Variants in ADGRV1 observed in about 807,000 individuals in gnomAD.
ADGRV1 encodes the protein G-protein coupled receptor 98.
ADGRV1 carries 359 observed loss-of-function variants against 596.2 expected under a neutral mutation model. The ratio of observed to expected loss-of-function variants is 0.60; its 90% CI spans 0.55 to 0.66. The LOEUF is 0.66. Among genes scored for constraint, ADGRV1 ranks in the 30% least tolerant of loss-of-function variants. The pLI is 0.00. For synonymous variants in ADGRV1, 2,681 were observed against 2,679.2 expected (o/e 1.00, Z -0.02); for missense variants, 7,274 against 7,575.6 (o/e 0.96, Z 1.48).
chr5:90,828,843 TA>T, intron 76 of ADGRV1, 100 bp from the exon 77 acceptor site: 1 of 650,682 alleles, frequency 1.5e-6, no homozygotes, highest in South Asian at 5.8e-5. Flanking sequence ...TTTATTTCTC[TA>T]AAAATGTATA....
intron 1 of ADGRV1, among the ~76,000 whole-genome samples, chr5:90,602,217 G>A (rs186933511): frequency 1.3e-5 from 2 of 152,224 alleles, no homozygotes; most frequent in East Asian, 3.9e-4. Context: ...TCGATGCCTG[G>A]TACAGTTTTT....
rs989257974 is a variant in ADGRV1, at chr5:90,637,931, A to T, written c.2223A>T (p.Val741=). 6.2e-7 allele frequency: 1 copy of T among 1,611,922 alleles called. No homozygotes were observed. Among genetic ancestry groups the T allele is most frequent in the Non-Finnish European group, 8.5e-7 (1 of 1,178,412 alleles). ...GDDIPEMNET[V]TLSLDRVNVE... ...ACATACCGGAAATGAATGAAACTGT[A>T]ACACTTTCTCTAGACAGGTAATAAC... Residue 741 remains valine, a synonymous_variant, in exon 11 of 90, where the codon GTA becomes GTT. Transcript: ENST00000405460.
At chr5:90,700,299 A>G (rs948676137) in intron 34 of ADGRV1, among the ~76,000 whole-genome samples, 2 of 152,162 alleles carry the variant, frequency 1.3e-5, no homozygotes, top group African/African-American at 4.8e-5. Context: ...AGTTTCATTT[A>G]TGTGATTAGA....
rs41311335 is a variant in ADGRV1, at chr5:90,683,706, G to A, written c.5785G>A (p.Ala1929Thr). 124 of 1,613,658 alleles carry A rather than the reference G, an allele frequency of 7.7e-5. No individual in the cohort carries two copies. Among genetic ancestry groups the A allele is most frequent in the Non-Finnish European group, 9.7e-5 (115 of 1,179,836 alleles). ...NITFEIGQTS[A>T]NITVEILPDE... Reference sequence around the variant, plus strand: ...CACATTTGAGATTGGGCAGACGAGCGCCAATATCACTGTGGAGATATTGCC... The same window carrying A: ...CACATTTGAGATTGGGCAGACGAGCACCAATATCACTGTGGAGATATTGCC... The change falls in exon 28 of 90, where the codon GCC becomes ACC. Residue 1929 changes from alanine to threonine, a missense_variant. Physicochemically the swap from Ala to Thr is moderately conservative, Grantham distance 58 (BLOSUM62 0). This residue lies in a region of ADGRV1 where 3,643 missense variants were observed against 3,809.2 expected (regional missense o/e 0.96). Coordinates refer to ENST00000405460, the MANE Select transcript of ADGRV1 (RefSeq NM_032119.4).
intron 83 of ADGRV1, among the ~76,000 whole-genome samples, chr5:90,938,172 A>T (rs1267621654): frequency 6.6e-6 from 1 of 152,116 alleles, no homozygotes; most frequent in Non-Finnish European, 1.5e-5. Flanking sequence ...TGAGAGTCCC[A>T]AACAGCCTGG....
At chr5:90,949,105 T>C (rs1281630494) in intron 83 of ADGRV1, among the ~76,000 whole-genome samples, 1 of 152,136 alleles carries the variant, frequency 6.6e-6, no homozygotes, top group African/African-American at 2.4e-5. Context: ...CACAGATACT[T>C]GTTAAGAGAA....
chr5:90,781,028 T>C (rs909656298), intron 64 of ADGRV1: 1 of 204,362 alleles, frequency 4.9e-6, no homozygotes, highest in Non-Finnish European at 1.0e-5. Context: ...AACCTAACAC[T>C]GTAAATCTCA....
intron 86 of ADGRV1, among the ~76,000 whole-genome samples, chr5:91,100,942 C>G (rs189108142): frequency 1.6e-4 from 25 of 152,128 alleles, no homozygotes; most frequent in African/African-American, 5.5e-4. Flanking sequence ...GTCAGGGTTA[C>G]AAAAGTCAAG....
intron 82 of ADGRV1, among the ~76,000 whole-genome samples, chr5:90,859,295 A>G (rs1351326799): frequency 6.6e-6 from 1 of 152,158 alleles, no homozygotes; most frequent in Non-Finnish European, 1.5e-5. Flanking sequence ...GTAGGTTTTA[A>G]TAGATATTGG....
At chr5:91,027,873 C>T (rs1378060862) in intron 85 of ADGRV1, among the ~76,000 whole-genome samples, 1 of 152,080 alleles carries the variant, frequency 6.6e-6, no homozygotes, top group African/African-American at 2.4e-5. Flanking sequence ...CTGAGATGAA[C>T]TTTGCAAAGA....
intron 73 of ADGRV1, among the ~76,000 whole-genome samples, chr5:90,809,213 C>T (rs898727501): frequency 3.0e-4 from 45 of 150,750 alleles, no homozygotes; most frequent in African/African-American, 9.3e-4. Context: ...ACCTCGGCCT[C>T]CCAAAGTGCT....
chr5:90,601,484 C>T (rs757555647), intron 1 of ADGRV1, among the ~76,000 whole-genome samples: 5 of 151,886 alleles, frequency 3.3e-5, no homozygotes, highest in Non-Finnish European at 7.4e-5. Flanking sequence ...AAAAGAATAC[C>T]GTACTAAACC....
At chr5:90,665,849 T>G (rs62375101) in intron 21 of ADGRV1, among the ~76,000 whole-genome samples, 57,615 of 149,308 alleles carry the variant, frequency 0.39, 11,421 homozygotes, top group Admixed American at 0.5. Flanking sequence ...ACATCTTTAT[T>G]TCTGCCTTCA....
At chr5:90,805,258 ATACTC>A in intron 71 of ADGRV1, 21 bp from the exon 72 acceptor site, 1 of 1,593,592 alleles carries the variant, frequency 6.3e-7, no homozygotes, top group Non-Finnish European at 8.6e-7. Flanking sequence ...GAGAAATAAA[ATACTC>A]TAAGCATGAT....
chr5:90,957,998 A>C (rs1422428475), intron 83 of ADGRV1, among the ~76,000 whole-genome samples: 1 of 152,086 alleles, frequency 6.6e-6, no homozygotes, highest in Non-Finnish European at 1.5e-5. Flanking sequence ...AATCAATGTA[A>C]TTAATAACAA....
rs746026845 is a variant in ADGRV1 at position 90,694,519 on chromosome 5, A to C, written c.7763A>C (p.Asn2588Thr). Residue 2588 changes from asparagine to threonine, a missense_variant, in exon 33 of 90, where the codon AAT (asparagine) becomes ACT (threonine). Physicochemically the swap from Asn to Thr is moderately conservative, Grantham distance 65 (BLOSUM62 0). This residue lies in a region of ADGRV1 where 3,643 missense variants were observed against 3,809.2 expected (regional missense o/e 0.96). Transcript: ENST00000405460. ...TTTGTGATCTACAATATTAGTCCCA[A>C]TACTTCCGAAGATGGCTTATTTGTT... is the stretch of plus-strand genomic sequence containing the variant. Reference protein sequence around the residue: ...GVFVIYNISPNTSEDGLFVEV... With the variant: ...GVFVIYNISPTTSEDGLFVEV... 5 of 1,613,802 alleles carry C rather than the reference A, an allele frequency of 3.1e-6. No individual in the cohort carries two copies. The highest frequency in any genetic ancestry group is 3.3e-5 in the Admixed American group (2 of 59,976).
At chr5:90,770,226 TAGGGGAA>T (rs1757547523) in intron 59 of ADGRV1, among the ~76,000 whole-genome samples, 2 of 152,068 alleles carry the variant, frequency 1.3e-5, no homozygotes, top group African/African-American at 4.8e-5. Flanking sequence ...AGAGCGTGTG[TAGGGGAA>T]TGGTCCTTTA....
At chr5:90,881,504 TA>T (rs1178058977) in intron 83 of ADGRV1, among the ~76,000 whole-genome samples, 3 of 152,172 alleles carry the variant, frequency 2.0e-5, no homozygotes, top group Non-Finnish European at 4.4e-5. Flanking sequence ...AGTTTTTTTT[TA>T]ATCTTGTATT....
chr5:90,634,455 G>A (rs1370642184), intron 9 of ADGRV1, among the ~76,000 whole-genome samples: 1 of 152,222 alleles, frequency 6.6e-6, no homozygotes, highest in Non-Finnish European at 1.5e-5. Context: ...TATGTAAAAT[G>A]TATAACTGCA....
Sources: gnomAD v4.1 joint callset for allele counts (sites outside exome capture counted in the v4.1 genomes callset) on GRCh38, gnomAD v4.1.1 for gene constraint, gnomAD v4.1.1 regional missense constraint, MANE v1.5 for transcripts, NCBI Gene and HGNC (gene_info 2026-07-23, HGNC 2026-07-21) for gene names.